ATP11A: variants seen among roughly 807,000 people sequenced by gnomAD.
ATP11A encodes phospholipid-transporting ATPase IH.
A neutral mutation model predicts 154.4 loss-of-function variants in ATP11A; 81 were observed. The observed-to-expected ratio is 0.52, with a 90% CI of 0.44 to 0.63. The LOEUF is 0.63. Among genes scored for constraint, ATP11A ranks in the 30% least tolerant of loss-of-function variants. ATP11A has a pLI of 0.00. For synonymous variants in ATP11A, 623 were observed against 585.9 expected, an observed-to-expected ratio of 1.06 and a Z score of -0.91; for missense variants, 1,316 against 1,474.3, an observed-to-expected ratio of 0.89 and a Z score of 1.76.
intron 17 of ATP11A, among the ~76,000 whole-genome samples, chr13:112,843,690 C>T (rs751615677): frequency 1.4e-4 from 21 of 152,164 alleles, no homozygotes; most frequent in Non-Finnish European, 2.6e-4. Flanking sequence ...CGCTGTCAGT[C>T]GCAACACTTG....
chr13:112,691,601 C>A (rs541505507), intron 1 of ATP11A, among the ~76,000 whole-genome samples: 1 of 151,756 alleles, frequency 6.6e-6, no homozygotes, highest in Admixed American at 6.6e-5. Flanking sequence ...GGTCACTGGT[C>A]AATCACAGGT....
chr13:112,731,976 C>T (rs748984625), intron 1 of ATP11A, among the ~76,000 whole-genome samples: 283 of 151,100 alleles, frequency 1.9e-3, no homozygotes, highest in Non-Finnish European at 3.4e-3. Context: ...TGTGGGAAGG[C>T]ATAGCGTGCG....
chr13:112,822,923 T>C (rs1481233168), intron 8 of ATP11A, among the ~76,000 whole-genome samples: 1 of 152,104 alleles, frequency 6.6e-6, no homozygotes, highest in Non-Finnish European at 1.5e-5. Flanking sequence ...TCTGACTCGG[T>C]AGGCCTGGGA....
intron 18 of ATP11A, among the ~76,000 whole-genome samples, chr13:112,853,538 G>A (rs950328759): frequency 1.9e-4 from 29 of 152,208 alleles, no homozygotes; most frequent in African/African-American, 7.0e-4. Flanking sequence ...GGCAGACATG[G>A]TTTGACCCCA....
At position 112,777,545 on chromosome 13, in the gene ATP11A, C is replaced by T. The variant is rs183178999; in HGVS notation, c.40-7590C>T. Among the ~76,000 whole-genome samples, 611 of 152,286 alleles carry T rather than the reference C, an allele frequency of 4.0e-3. 3 individuals are homozygous for T. The highest frequency in any genetic ancestry group is 0.014 in the African/African-American group (562 of 41,554). ...CGCCATTGCACTCCAGCCTGGGGGACAAGAGCAAGACTTCGTCTCAAAAAA... is the reference window on the plus strand; with the variant it reads ...CGCCATTGCACTCCAGCCTGGGGGATAAGAGCAAGACTTCGTCTCAAAAAA... On this transcript the variant is annotated intron_variant, in intron 1 of 29. Coordinates refer to ENST00000375645, the MANE Select transcript of ATP11A (RefSeq NM_015205.3).
Position 112,841,222 on chromosome 13 carries a change from C to T in ATP11A, c.1706-1054C>T, listed in dbSNP as rs1477491473. On this transcript the variant is annotated intron_variant, in intron 16 of 29. Transcript: ENST00000375645. ...CGCCTGGCAGAGTGCCACGTGGCTT[C>T]GCGGACCACGGATGCTTCAGGTGCA... Among the ~76,000 whole-genome samples, 7 of 142,036 alleles carry T rather than the reference C, an allele frequency of 4.9e-5. No homozygotes were observed. In the East Asian group the frequency reaches 8.4e-4, roughly 17 times the overall value. The allele number at this position is 142,036 out of a possible 152,430, so 93.2% of individuals were successfully genotyped here. A position where few individuals can be genotyped will look rare whatever the true frequency, so the allele number is the denominator to read the frequency against.
chr13:112,694,815 A>G (rs1885608542), intron 1 of ATP11A, among the ~76,000 whole-genome samples: 1 of 152,226 alleles, frequency 6.6e-6, no homozygotes, highest in African/African-American at 2.4e-5. Context: ...GACAGTAGAT[A>G]ATTACTTTCA....
chr13:112,874,110 C>G (rs78269219), intron 27 of ATP11A, among the ~76,000 whole-genome samples: 1 of 152,260 alleles, frequency 6.6e-6, no homozygotes, highest in East Asian at 1.9e-4. Context: ...TCCTGTCTCA[C>G]TCCATCCTCA....
intron 15 of ATP11A, among the ~76,000 whole-genome samples, chr13:112,835,945 C>T (rs889634282): frequency 6.6e-6 from 1 of 152,212 alleles, no homozygotes; most frequent in Non-Finnish European, 1.5e-5. Flanking sequence ...AGTGAGGAGC[C>T]GGTGCCACAG....
intron 28 of ATP11A, 160 bp downstream of exon 28, chr13:112,876,101 A>G (rs2080717006): frequency 4.3e-6 from 3 of 691,666 alleles, no homozygotes; most frequent in African/African-American, 1.8e-5. Flanking sequence ...GATGTTAAAC[A>G]TCAGGTACAT....
chr13:112,699,113 G>A (rs1455368974), intron 1 of ATP11A, among the ~76,000 whole-genome samples: 1 of 152,158 alleles, frequency 6.6e-6, no homozygotes, highest in South Asian at 2.1e-4. Context: ...TGTGTAAGTC[G>A]TTCTTTCAAA....
At chr13:112,850,444 G>A (rs1178583849) in intron 17 of ATP11A, among the ~76,000 whole-genome samples, 2 of 152,136 alleles carry the variant, frequency 1.3e-5, no homozygotes, top group East Asian at 1.9e-4. Flanking sequence ...TGCTGGTGGC[G>A]GCTGCATTCT....
intron 17 of ATP11A, among the ~76,000 whole-genome samples, chr13:112,843,809 G>A (rs1272475646): frequency 2.0e-5 from 3 of 152,228 alleles, no homozygotes; most frequent in Admixed American, 2.0e-4. Flanking sequence ...GTGGAATGCT[G>A]TCGACGTGCG....
chr13:112,708,252 TAAAC>T (rs1160198996), intron 1 of ATP11A, among the ~76,000 whole-genome samples: 1 of 152,204 alleles, frequency 6.6e-6, no homozygotes, highest in Non-Finnish European at 1.5e-5. Context: ...GCTACAGGAA[TAAAC>T]AAACTTATTT....
In ATP11A at chr13:112,824,123, C is replaced by T. The variant is rs563656772; in HGVS notation, c.791-221C>T. ...GGCCCAGTGTATATTAAGATATGAA[C>T]TCTTAAAAAATGAAGCATAGATTGC... is the stretch of plus-strand genomic sequence containing the variant. On this transcript the variant is annotated intron_variant, in intron 9 of 29. Coordinates refer to ENST00000375645, the MANE Select transcript of ATP11A (RefSeq NM_015205.3). Among the ~76,000 whole-genome samples the T allele has an allele frequency of 8.5e-5, 13 of 152,188 alleles. No homozygotes were observed. The East Asian group carries it at 2.5e-3, about 29-fold the overall frequency.
At chr13:112,803,119 A>G (rs1476328896) in intron 2 of ATP11A, among the ~76,000 whole-genome samples, 2 of 152,226 alleles carry the variant, frequency 1.3e-5, no homozygotes, top group Non-Finnish European at 2.9e-5. Context: ...TTATTGTGAA[A>G]GGTAAAATCA....
intron 1 of ATP11A, among the ~76,000 whole-genome samples, chr13:112,707,578 A>G (rs948835521): frequency 4.6e-5 from 7 of 152,178 alleles, no homozygotes; most frequent in African/African-American, 1.7e-4. Context: ...GAAGAACTCA[A>G]TGTAGCCATT....
chr13:112,857,315 T>G (rs138935985), intron 20 of ATP11A, among the ~76,000 whole-genome samples: 1 of 152,364 alleles, frequency 6.6e-6, no homozygotes, highest in East Asian at 1.9e-4. Flanking sequence ...TATTTGATTT[T>G]GCACGTTACA....
intron 10 of ATP11A, among the ~76,000 whole-genome samples, chr13:112,825,035 T>C (rs2078897545): frequency 6.6e-6 from 1 of 152,200 alleles, no homozygotes; most frequent in East Asian, 1.9e-4. Flanking sequence ...TCCTCTCCTT[T>C]CCTTCCTTCC....
Sources: gnomAD v4.1 joint callset for allele counts (sites outside exome capture counted in the v4.1 genomes callset) on GRCh38, gnomAD v4.1.1 for gene constraint, MANE v1.5 for transcripts, NCBI Gene and HGNC (gene_info 2026-07-23, HGNC 2026-07-21) for gene names.